The following RD3 variants were observed in gnomAD, a reference collection of about 807,000 sequenced individuals.
RD3 encodes RD3 regulator of GUCY2D.
In RD3, 11 loss-of-function variants were observed where a neutral mutation model predicts 16.9. That is an observed-to-expected ratio of 0.65 (90% CI 0.41 to 1.08). The LOEUF (loss-of-function observed/expected upper bound fraction) is 1.08. Ranked by LOEUF, RD3 falls within the 50% of genes least tolerant of loss-of-function variation. The probability of loss-of-function intolerance (pLI) is 0.00; values close to 1 mark genes in which losing one functional copy is unlikely to be tolerated. For missense variants in RD3, 274 were observed against 267.4 expected, an observed-to-expected ratio of 1.02 and a Z score of -0.17; for synonymous variants, 116 against 114.8, an observed-to-expected ratio of 1.01 and a Z score of -0.07.
intron 1 of RD3, among the ~76,000 whole-genome samples, chr1:211,483,455 A>G (rs915374888): frequency 2.2e-5 from 3 of 139,404 alleles, no homozygotes; most frequent in Non-Finnish European, 4.6e-5. Flanking sequence ...ACTCCAACTC[A>G]AAAAAAAAAA....
chr1:211,477,168 G>C lies in RD3; in HGVS notation c.*1868C>G, dbSNP rs1705162827. 1 of 152,278 alleles carries C rather than the reference G, an allele frequency of 6.6e-6. No homozygotes were observed. The highest frequency in any genetic ancestry group is 1.9e-4 in the East Asian group (1 of 5,176). 9.4% of individuals were successfully genotyped at this position (152,278 alleles called of 1,614,324 possible). A position where few individuals can be genotyped will look rare whatever the true frequency, so the allele number is the denominator to read the frequency against. On this transcript the variant is annotated 3_prime_UTR_variant, in exon 3 of 3. Transcript: ENST00000680073. ...AGCACAGCTTGGACCCACATCAAAA[G>C]TTTGGCAGCCAGGCACAGTGGCTCA...
intron 1 of RD3, among the ~76,000 whole-genome samples, chr1:211,491,181 G>A (rs1410068621): frequency 6.6e-6 from 1 of 152,164 alleles, no homozygotes; most frequent in Non-Finnish European, 1.5e-5. Flanking sequence ...GCCCCACCCT[G>A]CACCCATCTG....
intron 1 of RD3, among the ~76,000 whole-genome samples, chr1:211,485,525 C>T (rs1329586592): frequency 6.6e-6 from 1 of 152,164 alleles, no homozygotes; most frequent in African/African-American, 2.4e-5. Flanking sequence ...AGACAGACTC[C>T]AGAGGGGGCT....
At chr1:211,489,798 G>C (rs1376707289) in intron 1 of RD3, among the ~76,000 whole-genome samples, 1 of 152,086 alleles carries the variant, frequency 6.6e-6, no homozygotes, top group Non-Finnish European at 1.5e-5. Context: ...CGTGTTGGGA[G>C]AGCTGAGCCT....
In RD3 at chr1:211,477,792, C is replaced by CT; in HGVS notation, c.*1243dup. 3.2e-6 allele frequency: 1 copy of CT among 308,518 alleles called. No individual in the cohort carries two copies. The highest frequency in any genetic ancestry group is 5.9e-6 in the Non-Finnish European group (1 of 170,184). The allele number at this position is 308,518 out of a possible 1,614,324, so 19.1% of individuals were successfully genotyped here. On this transcript the variant is annotated 3_prime_UTR_variant, in exon 3 of 3. Transcript: ENST00000680073. The stretch of plus-strand genomic sequence containing the variant: ...TTATTTAGGCTACTATTAAGGTCCA[C>CT]TTGCATTTTCTGCATGTGTGCTGGT...
chr1:211,488,594 A>G (rs1346012714), intron 1 of RD3, among the ~76,000 whole-genome samples: 1 of 152,008 alleles, frequency 6.6e-6, no homozygotes, highest in Non-Finnish European at 1.5e-5. Context: ...GAGGAGACAG[A>G]TGACCAAATG....
intron 1 of RD3, among the ~76,000 whole-genome samples, chr1:211,489,565 TTTTC>T (rs1293363099): frequency 4.6e-4 from 66 of 144,790 alleles, no homozygotes; most frequent in African/African-American, 1.6e-3. Context: ...ATAAATCATT[TTTTC>T]TTTCTTTTTT....
At position 211,479,049 on chromosome 1, in the gene RD3, G is replaced by C; in HGVS notation, c.575C>G (p.Pro192Arg). 6.3e-7 allele frequency: 1 copy of C among 1,599,942 alleles called. No individual in the cohort carries two copies. Among genetic ancestry groups the C allele is most frequent in the Non-Finnish European group, 8.5e-7 (1 of 1,174,498 alleles). The change falls in exon 3 of 3, where the codon CCC becomes CGC. Residue 192 changes from proline to arginine, a missense_variant. Physicochemically the swap from Pro to Arg is moderately radical, Grantham distance 103. Coordinates refer to ENST00000680073, the MANE Select transcript of RD3 (RefSeq NM_001164688.2). The part of the protein sequence containing the change: ...RSWSMPEFRA[P>R]KAD The stretch of plus-strand genomic sequence containing the variant: ...AAGCGGCCGGGGTCAGTCGGCTTTG[G>C]GCGCCCGGAATTCGGGCATGCTCCA...
chr1:211,479,375 T>C (rs1346501646), intron 2 of RD3, 48 bp from the exon 3 acceptor site: 2 of 1,552,018 alleles, frequency 1.3e-6, no homozygotes, highest in South Asian at 2.4e-5. Flanking sequence ...CAACAGCGGG[T>C]CTGGCACCCC....
At chr1:211,489,236 C>T (rs1467987773) in intron 1 of RD3, among the ~76,000 whole-genome samples, 1 of 152,182 alleles carries the variant, frequency 6.6e-6, no homozygotes, top group Non-Finnish European at 1.5e-5. Context: ...AGTACAGATT[C>T]TTACCCTTGG....
Position 211,490,028 on chromosome 1 carries a change from TC to T in RD3, c.-12+1739del, listed in dbSNP as rs374116484. ...CTTCCTTTCAGCCTATTTTTGAACA[TC>T]CCTGAGGATAATGTCTTTTCTGTGG... is the stretch of plus-strand genomic sequence containing the variant. On this transcript the variant is annotated intron_variant, in intron 1 of 2. Coordinates refer to ENST00000680073, the MANE Select transcript of RD3 (RefSeq NM_001164688.2). 8.2e-3 allele frequency among the ~76,000 whole-genome samples: 1,248 copies of T among 152,330 alleles called. 21 individuals are homozygous for T. The highest frequency in any genetic ancestry group is 0.029 in the African/African-American group (1,190 of 41,576).
At chr1:211,486,507 A>C (rs895250745) in intron 1 of RD3, among the ~76,000 whole-genome samples, 1 of 148,194 alleles carries the variant, frequency 6.7e-6, no homozygotes, top group Admixed American at 6.8e-5. Context: ...TCAAACAAAA[A>C]AAAATTAGGA....
intron 1 of RD3, among the ~76,000 whole-genome samples, chr1:211,487,009 G>A (rs906082985): frequency 2.6e-5 from 4 of 152,122 alleles, no homozygotes; most frequent in African/African-American, 9.7e-5. Flanking sequence ...GGATGTTGGG[G>A]CTCAGAAACC....
intron 1 of RD3, among the ~76,000 whole-genome samples, chr1:211,487,547 A>G (rs1276234646): frequency 1.3e-5 from 2 of 152,248 alleles, no homozygotes; most frequent in African/African-American, 4.8e-5. Flanking sequence ...TATTTATCAC[A>G]CTTTTCTGCA....
intron 1 of RD3, among the ~76,000 whole-genome samples, chr1:211,489,165 T>C (rs147928646): frequency 1.2e-4 from 19 of 152,386 alleles, no homozygotes; most frequent in Non-Finnish European, 2.4e-4. Context: ...TTGTAAATGT[T>C]TTATTTTTAT....
chr1:211,481,247 C>G lies in RD3; in HGVS notation c.169G>C (p.Gly57Arg). The G allele has an allele frequency of 1.9e-6, 3 of 1,614,274 alleles. No individual in the cohort carries two copies. Among genetic ancestry groups the G allele is most frequent in the Non-Finnish European group, 2.5e-6 (3 of 1,180,054 alleles). Reference sequence around the variant, plus strand: ...CTGGCCAGCCAGCTGTAGTCCACACCGGTGCAGACCTTTCTGACCGCATTG... The same window carrying G: ...CTGGCCAGCCAGCTGTAGTCCACACGGGTGCAGACCTTTCTGACCGCATTG... ...RSNAVRKVCT[G>R]VDYSWLASTP... Residue 57 changes from glycine (G) to arginine (R), a missense_variant, in exon 2 of 3, where the codon GGT (glycine) becomes CGT (arginine). Physicochemically the swap from Gly to Arg is moderately radical, Grantham distance 125. Coordinates refer to ENST00000680073, the MANE Select transcript of RD3 (RefSeq NM_001164688.2).
At position 211,483,250 on chromosome 1, in the gene RD3, C is replaced by T. The variant is rs1392727931; in HGVS notation, c.-11-1824G>A. ...GCCGAGGAGGGCAGCTCACTTGAAGCCAGGAGTTTGAGACCATCCTGGCCA... is the reference window on the plus strand; with the variant it reads ...GCCGAGGAGGGCAGCTCACTTGAAGTCAGGAGTTTGAGACCATCCTGGCCA... On this transcript the variant is annotated intron_variant, in intron 1 of 2. Coordinates refer to ENST00000680073, the MANE Select transcript of RD3 (RefSeq NM_001164688.2). Among the ~76,000 whole-genome samples, 3 of 151,750 alleles carry T rather than the reference C, an allele frequency of 2.0e-5. 1 individual carries two copies. Among genetic ancestry groups the T allele is most frequent in the African/African-American group, 4.9e-5 (2 of 41,074 alleles).
chr1:211,477,413 CA>C lies in RD3; in HGVS notation c.*1622del, dbSNP rs779925721. 10 of 150,828 alleles carry C rather than the reference CA, an allele frequency of 6.6e-5. No individual in the cohort carries two copies. Among genetic ancestry groups the C allele is most frequent in the Non-Finnish European group, 1.2e-4 (8 of 67,884 alleles). The allele number at this position is 150,828 out of a possible 1,614,324, so 9.3% of individuals were successfully genotyped here. ...AGGTTGTGGTGAGCCGAGATCACGC[CA>C]CTGCACTGCAGCCTGGGTAACAGAG... On this transcript the variant is annotated 3_prime_UTR_variant, in exon 3 of 3. Transcript: ENST00000680073.
chr1:211,491,120 C>T (rs1410194709), intron 1 of RD3, among the ~76,000 whole-genome samples: 3 of 152,182 alleles, frequency 2.0e-5, no homozygotes, highest in Non-Finnish European at 4.4e-5. Flanking sequence ...GGGACTGACC[C>T]TCATCCCTTG....
Sources: gnomAD v4.1 joint callset for allele counts (sites outside exome capture counted in the v4.1 genomes callset) on GRCh38, gnomAD v4.1.1 for gene constraint, MANE v1.5 for transcripts, NCBI Gene and HGNC (gene_info 2026-07-23, HGNC 2026-07-21) for gene names.